Variants in EPS8 observed in about 807,000 individuals in gnomAD.
EPS8 encodes the protein EGFR pathway substrate 8, signaling adaptor.
In EPS8, 42 loss-of-function variants were observed where a neutral mutation model predicts 103.8. The ratio of observed to expected loss-of-function variants is 0.40; its 90% CI spans 0.32 to 0.52. The LOEUF is 0.52. Ranked by LOEUF, EPS8 falls within the 20% of genes least tolerant of loss-of-function variation. The probability of loss-of-function intolerance (pLI) is 0.40; values close to 1 mark genes in which losing one functional copy is unlikely to be tolerated. For missense variants in EPS8, 969 were observed against 1,005.1 expected (o/e 0.96, Z 0.49); for synonymous variants, 344 against 344.6 (o/e 1.00, Z 0.02).
At chr12:15,756,801 C>G (rs1946990548) in intron 1 of EPS8, among the ~76,000 whole-genome samples, 1 of 152,106 alleles carries the variant, frequency 6.6e-6, no homozygotes, top group South Asian at 2.1e-4. Context: ...GAAAAAGATA[C>G]AGTCAAACCC....
At position 15,626,677 on chromosome 12, in the gene EPS8, C is replaced by T. The variant is rs113475114; in HGVS notation, c.2045-2270G>A. On this transcript the variant is annotated intron_variant, in intron 18 of 20. Transcript: ENST00000281172. ...CAAGTCAGATGTTGCAGCCCCTCTG[C>T]TCAAAACATTCCCAAGTGATCCTAA... Among the ~76,000 whole-genome samples the T allele has an allele frequency of 7.3e-4, 110 of 151,344 alleles. 2 individuals are homozygous for T. Among genetic ancestry groups the T allele is most frequent in the African/African-American group, 2.6e-3 (106 of 41,198 alleles).
rs935299641 is a variant in EPS8 at position 15,704,787 on chromosome 12, A to C, written c.-21-21815T>G. Among the ~76,000 whole-genome samples the C allele has an allele frequency of 1.3e-5, 2 of 152,192 alleles. No homozygotes were observed. Among genetic ancestry groups the C allele is most frequent in the African/African-American group, 4.8e-5 (2 of 41,438 alleles). On this transcript the variant is annotated intron_variant, in intron 1 of 20. Transcript: ENST00000281172. This position sits in a 1 kb window ranked among gnomAD's most constrained non-coding sequence, Gnocchi z 4.6. ...ATCTGAGGAACAAATGAACTACTGAATGTCTGTGAGCCTATCAGGTAAAGC... is the reference window on the plus strand; with the variant it reads ...ATCTGAGGAACAAATGAACTACTGACTGTCTGTGAGCCTATCAGGTAAAGC...
intron 13 of EPS8, 53 bp from the exon 14 acceptor site, chr12:15,651,059 G>A (rs539132536): frequency 1.1e-5 from 15 of 1,405,480 alleles, no homozygotes; most frequent in East Asian, 9.2e-5. Flanking sequence ...ATGTATCCAT[G>A]CTCACAGTTA....
In EPS8 at chr12:15,717,514, G is replaced by T. The variant is rs556146864; in HGVS notation, c.-21-34542C>A. On this transcript the variant is annotated intron_variant, in intron 1 of 20. Coordinates refer to ENST00000281172, the MANE Select transcript of EPS8 (RefSeq NM_004447.6). The surrounding 1 kb of genome is among the most constrained non-coding windows in gnomAD (Gnocchi z 4.3). ...AGGCAGCAGAATTGCTTAAGCCCCG[G>T]AGGCAGAGGTTGCAGTCAGCCGAGA... Among the ~76,000 whole-genome samples, 1 of 152,214 alleles carries T rather than the reference G, an allele frequency of 6.6e-6. No individual in the cohort carries two copies. The highest frequency in any genetic ancestry group is 2.1e-4 in the South Asian group (1 of 4,830).
Position 15,762,292 on chromosome 12 carries a change from C to T in EPS8, c.-22+26869G>A, listed in dbSNP as rs945568556. ...CCAAAAGACAGACAATAACAAATGC[C>T]GACAAGGATGTAGAGAAAAGGGAAC... On this transcript the variant is annotated intron_variant, in intron 1 of 20. Transcript: ENST00000281172. This position sits in a 1 kb window ranked among gnomAD's most constrained non-coding sequence, Gnocchi z 4.8. 4.6e-5 allele frequency among the ~76,000 whole-genome samples: 7 copies of T among 152,022 alleles called. No individual in the cohort carries two copies. The highest frequency in any genetic ancestry group is 1.4e-4 in the African/African-American group (6 of 41,386).
chr12:15,775,910 AC>A (rs1338680889), intron 1 of EPS8, among the ~76,000 whole-genome samples: 1 of 152,184 alleles, frequency 6.6e-6, no homozygotes. Context: ...AGATTGGGTT[AC>A]ATTAAGCCAA....
At chr12:15,685,188 G>C (rs1946074402) in intron 1 of EPS8, among the ~76,000 whole-genome samples, 1 of 152,206 alleles carries the variant, frequency 6.6e-6, no homozygotes, top group Admixed American at 6.5e-5. Flanking sequence ...ACTAGAGATA[G>C]TCTGGAATTT....
In EPS8 at chr12:15,769,974, G is replaced by A. The variant is rs545914481; in HGVS notation, c.-22+19187C>T. ...TTTTCTTTTTTGAGACTAGGGTCTCGCTCTTTCACCCATGCTGCAGTGTAG... is the reference window on the plus strand; with the variant it reads ...TTTTCTTTTTTGAGACTAGGGTCTCACTCTTTCACCCATGCTGCAGTGTAG... On this transcript the variant is annotated intron_variant, in intron 1 of 20. Transcript: ENST00000281172. This position sits in a 1 kb window ranked among gnomAD's most constrained non-coding sequence, Gnocchi z 4.6. Among the ~76,000 whole-genome samples, 5 of 149,022 alleles carry A rather than the reference G, an allele frequency of 3.4e-5. No homozygotes were observed. Among genetic ancestry groups the A allele is most frequent in the African/African-American group, 7.4e-5 (3 of 40,420 alleles).
chr12:15,691,875 TC>T (rs1194357265), intron 1 of EPS8, among the ~76,000 whole-genome samples: 3 of 152,134 alleles, frequency 2.0e-5, no homozygotes, highest in Non-Finnish European at 4.4e-5. Context: ...TGATCCTATG[TC>T]CCCCTCGTTA....
rs1947016421 is a variant in EPS8, at chr12:15,759,102, T to C, written c.-22+30059A>G. On this transcript the variant is annotated intron_variant, in intron 1 of 20. Coordinates refer to ENST00000281172, the MANE Select transcript of EPS8 (RefSeq NM_004447.6). The surrounding 1 kb of genome is among the most constrained non-coding windows in gnomAD (Gnocchi z 4.9). ...CCAATACTTCTTATATAAACCATATTATCAAAATTAGCTTATGTGTTAATA... is the reference window on the plus strand; with the variant it reads ...CCAATACTTCTTATATAAACCATATCATCAAAATTAGCTTATGTGTTAATA... Among the ~76,000 whole-genome samples the C allele has an allele frequency of 6.6e-6, 1 of 152,138 alleles. No individual in the cohort carries two copies. The highest frequency in any genetic ancestry group is 2.4e-5 in the African/African-American group (1 of 41,448).
At chr12:15,657,357 C>T (rs568292669) in intron 12 of EPS8, among the ~76,000 whole-genome samples, 1 of 152,208 alleles carries the variant, frequency 6.6e-6, no homozygotes, top group Non-Finnish European at 1.5e-5. Flanking sequence ...TGCAACACTC[C>T]GTTTCCCACA....
At chr12:15,722,331 C>G (rs567574997) in intron 1 of EPS8, among the ~76,000 whole-genome samples, 12 of 152,200 alleles carry the variant, frequency 7.9e-5, no homozygotes, top group African/African-American at 2.6e-4. Flanking sequence ...ATTACCCCCC[C>G]CAAAAATTAT....
chr12:15,657,130 T>C (rs1945521145), intron 12 of EPS8, among the ~76,000 whole-genome samples: 1 of 152,208 alleles, frequency 6.6e-6, no homozygotes, highest in African/African-American at 2.4e-5. Flanking sequence ...CCTGCTGATA[T>C]CATCTCTTTC....
In EPS8 at chr12:15,669,723, G is replaced by T; in HGVS notation, c.307C>A (p.Gln103Lys). Reference sequence around the variant, plus strand: ...TCATCCACTTGAAGAATCATATCTTGAGTCCACACTTTGCCCTTGGCATCA... The same window carrying T: ...TCATCCACTTGAAGAATCATATCTTTAGTCCACACTTTGCCCTTGGCATCA... ...LLDAKGKVWTQDMILQVDDRA... is the reference protein window; with the variant it reads ...LLDAKGKVWTKDMILQVDDRA... Residue 103 changes from glutamine (Q) to lysine (K), a missense_variant, in exon 5 of 21, where the codon CAA becomes AAA. Transcript: ENST00000281172. 1 of 1,613,656 alleles carries T rather than the reference G, an allele frequency of 6.2e-7. No homozygotes were observed. The highest frequency in any genetic ancestry group is 8.5e-7 in the Non-Finnish European group (1 of 1,179,834).
chr12:15,698,464 T>C lies in EPS8; in HGVS notation c.-21-15492A>G, dbSNP rs1202076856. 3.3e-5 allele frequency among the ~76,000 whole-genome samples: 5 copies of C among 151,562 alleles called. No homozygotes were observed. The highest frequency in any genetic ancestry group is 1.2e-4 in the African/African-American group (5 of 41,188). ...CATCCACACAGTAAACAGACATCTC[T>C]CTCCTCCAGCCTCTCCATCTTGACC... On this transcript the variant is annotated intron_variant, in intron 1 of 20. Coordinates refer to ENST00000281172, the MANE Select transcript of EPS8 (RefSeq NM_004447.6). This position sits in a 1 kb window ranked among gnomAD's most constrained non-coding sequence, Gnocchi z 4.9.
At chr12:15,663,985 A>ACACACG (rs1565487448) in intron 8 of EPS8, among the ~76,000 whole-genome samples, 1 of 139,030 alleles carries the variant, frequency 7.2e-6, no homozygotes, top group Non-Finnish European at 1.6e-5. Context: ...ATACACACAC[A>ACACACG]CATATATATA....
rs183491065 is a variant in EPS8 at position 15,748,619 on chromosome 12, C to T, written c.-22+40542G>A. Among the ~76,000 whole-genome samples the T allele has an allele frequency of 1.4e-4, 21 of 152,182 alleles. No homozygotes were observed. Among genetic ancestry groups the T allele is most frequent in the Admixed American group, 7.9e-4 (12 of 15,286 alleles). ...GAACAACTCAAATAAAGTATAAACA[C>T]GTAGCTTTCATTCCTTTCATCTGAT... is the stretch of plus-strand genomic sequence containing the variant. On this transcript the variant is annotated intron_variant, in intron 1 of 20. Coordinates refer to ENST00000281172, the MANE Select transcript of EPS8 (RefSeq NM_004447.6). This position sits in a 1 kb window ranked among gnomAD's most constrained non-coding sequence, Gnocchi z 4.8.
Position 15,727,210 on chromosome 12 carries a change from T to A in EPS8, c.-21-44238A>T, listed in dbSNP as rs556519506. 6.6e-6 allele frequency among the ~76,000 whole-genome samples: 1 copy of A among 152,338 alleles called. No homozygotes were observed. The highest frequency in any genetic ancestry group is 1.5e-5 in the Non-Finnish European group (1 of 68,028). On this transcript the variant is annotated intron_variant, in intron 1 of 20. Transcript: ENST00000281172. The surrounding 1 kb of genome is among the most constrained non-coding windows in gnomAD (Gnocchi z 4.3). Reference sequence around the variant, plus strand: ...AAGCCTGGGCACCTGGGGTTCTGATTACTTCCCTCGTGGATTTAATATCTA... The same window carrying A: ...AAGCCTGGGCACCTGGGGTTCTGATAACTTCCCTCGTGGATTTAATATCTA...
chr12:15,622,667 C>T (rs1475526402), intron 20 of EPS8, among the ~76,000 whole-genome samples: 1 of 151,970 alleles, frequency 6.6e-6, no homozygotes, highest in Non-Finnish European at 1.5e-5. Context: ...TTTCCAGGCT[C>T]TCTATTTTCA....
Sources: gnomAD v4.1 joint callset for allele counts (sites outside exome capture counted in the v4.1 genomes callset) on GRCh38, gnomAD v4.1.1 for gene constraint, Gnocchi (gnomAD v3.1) non-coding constraint, MANE v1.5 for transcripts, NCBI Gene and HGNC (gene_info 2026-07-23, HGNC 2026-07-21) for gene names.